The following TMEM135 variants were observed in gnomAD, a reference collection of about 807,000 sequenced individuals.
The protein encoded by TMEM135 is peroxisomal membrane protein 52.
Under a neutral mutation model 60.3 loss-of-function variants are expected in TMEM135, and 30 were observed. The observed-to-expected ratio is 0.50, with a 90% CI of 0.37 to 0.68. TMEM135 has a LOEUF of 0.68. Ranked by LOEUF, TMEM135 falls within the 30% of genes least tolerant of loss-of-function variation. TMEM135 has a pLI of 0.00. For missense variants in TMEM135, 468 were observed against 548.8 expected (o/e 0.85, Z 1.47); for synonymous variants, 190 against 186.7 (o/e 1.02, Z -0.14).
At chr11:87,158,319 C>G (rs2135269057) in intron 5 of TMEM135, among the ~76,000 whole-genome samples, 1 of 152,192 alleles carries the variant, frequency 6.6e-6, no homozygotes, top group Middle Eastern at 3.4e-3. Context: ...AAGTGAGTAT[C>G]TAAGGAGTTA....
At chr11:87,148,892 C>T (rs142591583) in intron 4 of TMEM135, among the ~76,000 whole-genome samples, 12 of 152,078 alleles carry the variant, frequency 7.9e-5, no homozygotes, top group African/African-American at 2.7e-4. Flanking sequence ...AATCCTTCTG[C>T]GCATTATTGG....
At chr11:87,088,782 A>G (rs1857147783) in intron 3 of TMEM135, among the ~76,000 whole-genome samples, 1 of 152,196 alleles carries the variant, frequency 6.6e-6, no homozygotes, top group South Asian at 2.1e-4. Flanking sequence ...CATTTTTGGA[A>G]GAGGATCAAG....
intron 13 of TMEM135, 123 bp downstream of exon 13, chr11:87,318,358 T>G (rs554124365): frequency 2.7e-6 from 2 of 751,264 alleles, no homozygotes; most frequent in Admixed American, 2.5e-5. Context: ...TAAGCTTCTT[T>G]TTTGTTTTGT....
chr11:87,111,770 A>G (rs780288301), intron 4 of TMEM135, among the ~76,000 whole-genome samples: 12 of 152,066 alleles, frequency 7.9e-5, no homozygotes, highest in Admixed American at 4.6e-4. Context: ...GCTTTGAAAC[A>G]TGCTCCCATA....
intron 5 of TMEM135, among the ~76,000 whole-genome samples, chr11:87,213,424 G>A (rs1443361173): frequency 2.6e-5 from 4 of 152,164 alleles, no homozygotes; most frequent in African/African-American, 9.7e-5. Flanking sequence ...AGAGTGTAAT[G>A]AGAAGTCAGC....
chr11:87,274,763 C>G (rs1941935434), intron 6 of TMEM135, among the ~76,000 whole-genome samples: 1 of 146,084 alleles, frequency 6.8e-6, no homozygotes, highest in Non-Finnish European at 1.5e-5. Flanking sequence ...GAGTTCAAAA[C>G]CAGCCTGGGC....
chr11:87,227,518 A>T (rs1258635349), intron 5 of TMEM135, among the ~76,000 whole-genome samples: 1 of 152,132 alleles, frequency 6.6e-6, no homozygotes, highest in Non-Finnish European at 1.5e-5. Flanking sequence ...AACATAAAAA[A>T]AAATTAGGTA....
At chr11:87,245,953 T>G (rs941612536) in intron 6 of TMEM135, among the ~76,000 whole-genome samples, 4 of 119,788 alleles carry the variant, frequency 3.3e-5, no homozygotes, top group Non-Finnish European at 5.5e-5. Flanking sequence ...GCCTCAATGG[T>G]CTTTACAATT....
At chr11:87,209,710 C>T (rs1252286577) in intron 5 of TMEM135, among the ~76,000 whole-genome samples, 1 of 151,966 alleles carries the variant, frequency 6.6e-6, no homozygotes, top group African/African-American at 2.4e-5. Flanking sequence ...TACAGAACAT[C>T]CAAGAACAAC....
At chr11:87,233,073 C>T (rs963285251) in intron 5 of TMEM135, among the ~76,000 whole-genome samples, 3 of 152,048 alleles carry the variant, frequency 2.0e-5, no homozygotes, top group African/African-American at 7.2e-5. Flanking sequence ...ATTGCTTGAA[C>T]CTGGGAGGTG....
At chr11:87,258,712 G>A in intron 6 of TMEM135, 1 of 388,644 alleles carries the variant, frequency 2.6e-6, no homozygotes, top group East Asian at 5.8e-5. Flanking sequence ...ATGAGACAAT[G>A]TGGGGAGATT....
At chr11:87,313,330 A>G (rs893026288) in intron 10 of TMEM135, 95 bp from the exon 11 acceptor site, 1 of 1,008,048 alleles carries the variant, frequency 9.9e-7, no homozygotes, top group Non-Finnish European at 1.6e-6. Context: ...CCTGCAAGGT[A>G]ATCTGATGAA....
In TMEM135 at chr11:87,274,160, C is replaced by T. The variant is rs115310303; in HGVS notation, c.510-21622C>T. Among the ~76,000 whole-genome samples the T allele has an allele frequency of 1.3e-3, 204 of 152,036 alleles. 1 individual carries two copies. The highest frequency in any genetic ancestry group is 4.7e-3 in the African/African-American group (193 of 41,464). ...CCATTCCTTCCTAATCTAGGTATGT[C>T]GACAAAACTTTCAGGTCTGAAGGCT... On this transcript the variant is annotated intron_variant, in intron 6 of 14. Transcript: ENST00000305494.
At chr11:87,308,519 A>G (rs1290653962) in intron 9 of TMEM135, among the ~76,000 whole-genome samples, 1 of 152,130 alleles carries the variant, frequency 6.6e-6, no homozygotes, top group African/African-American at 2.4e-5. Flanking sequence ...TTTTCTGGAA[A>G]AGAAAGCTGC....
At chr11:87,303,045 G>A (rs751910292) in intron 8 of TMEM135, among the ~76,000 whole-genome samples, 3 of 152,144 alleles carry the variant, frequency 2.0e-5, no homozygotes, top group Non-Finnish European at 2.9e-5. Flanking sequence ...AGGGTGGAAT[G>A]AGTAGGCAAT....
At chr11:87,076,634 G>A (rs1008247861) in intron 3 of TMEM135, among the ~76,000 whole-genome samples, 2 of 152,184 alleles carry the variant, frequency 1.3e-5, no homozygotes, top group African/African-American at 4.8e-5. Flanking sequence ...GCCACAGCTG[G>A]GAATGTGCTA....
intron 6 of TMEM135, among the ~76,000 whole-genome samples, chr11:87,269,280 G>GTTT (rs374547199): frequency 2.8e-3 from 327 of 115,314 alleles, no homozygotes; most frequent in East Asian, 0.011. Context: ...TTGCTTTAGG[G>GTTT]TTTTTTTTTT....
rs577838003 is a variant in TMEM135 at position 87,144,261 on chromosome 11, C to T, written c.397-13080C>T. On this transcript the variant is annotated intron_variant, in intron 4 of 14. Coordinates refer to ENST00000305494, the MANE Select transcript of TMEM135 (RefSeq NM_022918.4). ...TTATCCTGATGAATGCATGCCTATC[C>T]GAGTAGATAAATACGGTGTTTTTGT... Among the ~76,000 whole-genome samples the T allele has an allele frequency of 1.2e-3, 187 of 151,994 alleles. 2 individuals are homozygous for T. In the Middle Eastern group the frequency reaches 0.014, roughly 11 times the overall value.
chr11:87,054,224 C>T (rs775775710), intron 1 of TMEM135, among the ~76,000 whole-genome samples: 3 of 151,966 alleles, frequency 2.0e-5, no homozygotes, highest in Non-Finnish European at 4.4e-5. Flanking sequence ...CACCTGAGGT[C>T]AGGAGTTCGA....
Sources: gnomAD v4.1 joint callset for allele counts (sites outside exome capture counted in the v4.1 genomes callset) on GRCh38, gnomAD v4.1.1 for gene constraint, MANE v1.5 for transcripts, NCBI Gene and HGNC (gene_info 2026-07-23, HGNC 2026-07-21) for gene names.